HSPH1: variants seen among roughly 807,000 people sequenced by gnomAD.
The protein encoded by HSPH1 is heat shock protein 105 kDa.
In HSPH1, 40 loss-of-function variants were observed where a neutral mutation model predicts 100.0. That is an observed-to-expected ratio of 0.40 (90% CI 0.31 to 0.52). The LOEUF is 0.52. HSPH1 is among the 20% of genes least tolerant of loss of function. The pLI, the probability that HSPH1 is intolerant of heterozygous loss-of-function variation, is 0.54. For missense variants in HSPH1, 876 were observed against 1,015.1 expected (o/e 0.86, Z 1.86); for synonymous variants, 403 against 344.0 (o/e 1.17, Z -1.90).
Position 31,138,585 on chromosome 13 carries a change from C to G in HSPH1, c.2209-17G>C. 1.3e-6 allele frequency: 2 copies of G among 1,593,584 alleles called. No homozygotes were observed. The highest frequency in any genetic ancestry group is 1.7e-6 in the Non-Finnish European group (2 of 1,171,342). The stretch of plus-strand genomic sequence containing the variant: ...TTTCTCATCCTGAACAAAAATAACA[C>G]GGTCATTCTGTAGAATTTATTGAAC... On this transcript the variant is annotated splice_polypyrimidine_tract_variant and intron_variant, in intron 16 of 17. Coordinates refer to ENST00000320027, the MANE Select transcript of HSPH1 (RefSeq NM_006644.4).
At position 31,143,832 on chromosome 13, in the gene HSPH1, T is replaced by A. The variant is rs1956180770; in HGVS notation, c.1676A>T (p.Glu559Val). Residue 559 changes from glutamate to valine, a missense_variant, in exon 12 of 18, where the codon GAA (glutamate) becomes GTA (valine). Glu to Val is a moderately radical substitution (Grantham distance 121). Transcript: ENST00000320027. ...GATTTTGTTTTCTTCTGAGGTAAGT[T>A]CAGGTGAAGGGGGAGACTGTGAGGT... ...QQTSQSPPSPELTSEENKIPD... is the reference protein window; with the variant it reads ...QQTSQSPPSPVLTSEENKIPD... 1 of 1,611,362 alleles carries A rather than the reference T, an allele frequency of 6.2e-7. No homozygotes were observed.
intron 5 of HSPH1, chr13:31,152,384 C>T (rs1956519877): frequency 6.5e-6 from 1 of 153,338 alleles, no homozygotes; most frequent in Non-Finnish European, 1.4e-5. Flanking sequence ...ATGCTGTAAT[C>T]ACCTCTGTAT....
At chr13:31,161,373 C>A (rs571331455) in intron 1 of HSPH1, 103 bp downstream of exon 1, 1 of 1,515,158 alleles carries the variant, frequency 6.6e-7, no homozygotes, top group African/African-American at 1.4e-5. Flanking sequence ...TGCCCAAACG[C>A]CTCCGTTTGC....
Position 31,138,905 on chromosome 13 carries a change from A to C in HSPH1, c.2089-5T>G. ...TTTAACTGGAGTGCCAATTTTCTAA[A>C]ATAAAATGTAATAAATTAATAGTTA... On this transcript the variant is annotated splice_region_variant and splice_polypyrimidine_tract_variant and intron_variant, in intron 15 of 17. Coordinates refer to ENST00000320027, the MANE Select transcript of HSPH1 (RefSeq NM_006644.4). The C allele has an allele frequency of 6.3e-7, 1 of 1,593,976 alleles. No individual in the cohort carries two copies. Among genetic ancestry groups the C allele is most frequent in the Admixed American group, 1.7e-5 (1 of 58,470 alleles).
rs371882400 is a variant in HSPH1, at chr13:31,158,869, A to G, written c.108-6T>C. ...ATCCAAATGATATGACTGACCTAGA[A>G]AAAAATATATTCCAAAAAATTAAAA... is the stretch of plus-strand genomic sequence containing the variant. On this transcript the variant is annotated splice_region_variant and splice_polypyrimidine_tract_variant and intron_variant, in intron 1 of 17. Transcript: ENST00000320027. 4 of 1,551,636 alleles carry G rather than the reference A, an allele frequency of 2.6e-6. No individual in the cohort carries two copies. Among genetic ancestry groups the G allele is most frequent in the African/African-American group, 2.7e-5 (2 of 73,622 alleles).
Position 31,135,368 on chromosome 13 carries a change from A to G in HSPH1, c.*1950T>C, listed in dbSNP as rs1199089783. ...TTCACTTCTCAATGTGTAAATGTGTATCTACTAAGTATACATTAATGTGCA... is the reference window on the plus strand; with the variant it reads ...TTCACTTCTCAATGTGTAAATGTGTGTCTACTAAGTATACATTAATGTGCA... On this transcript the variant is annotated 3_prime_UTR_variant, in exon 18 of 18. Transcript: ENST00000320027. 1 of 152,256 alleles carries G rather than the reference A, an allele frequency of 6.6e-6. No homozygotes were observed. Among genetic ancestry groups the G allele is most frequent in the African/African-American group, 2.4e-5 (1 of 41,462 alleles). 9.4% of individuals were successfully genotyped at this position (152,256 alleles called of 1,614,324 possible).
chr13:31,156,576 A>AT (rs935445365), intron 2 of HSPH1, among the ~76,000 whole-genome samples: 1 of 151,772 alleles, frequency 6.6e-6, no homozygotes, highest in Admixed American at 6.6e-5. Context: ...AAAAAAAAAA[A>AT]AATTAAAGTT....
At chr13:31,145,799 C>T (rs372713610) in intron 10 of HSPH1, 31 bp from the exon 11 acceptor site, 1 of 1,598,552 alleles carries the variant, frequency 6.3e-7, no homozygotes, top group African/African-American at 1.3e-5. Flanking sequence ...ATCACAAAAT[C>T]ACAATTTATT....
At chr13:31,158,449 TGAG>T (rs1956777656) in intron 2 of HSPH1, among the ~76,000 whole-genome samples, 1 of 148,860 alleles carries the variant, frequency 6.7e-6, no homozygotes, top group Non-Finnish European at 1.5e-5. Context: ...CTCAGGAGGC[TGAG>T]GCAGGAGAAT....
chr13:31,138,784 A>G lies in HSPH1; in HGVS notation c.2205T>C (p.Asn735=). 6.2e-7 allele frequency: 1 copy of G among 1,603,646 alleles called. No homozygotes were observed. Reference sequence around the variant, plus strand: ...ATGTACAAAAAGACTGACTCACCTTATTTCTGAAGTCAGCTGCTATCTTGG... The same window carrying G: ...ATGTACAAAAAGACTGACTCACCTTGTTTCTGAAGTCAGCTGCTATCTTGG... The part of the protein sequence containing the change: ...HYAKIAADFR[N]KDEKYNHIDE... The change falls in exon 16 of 18, where the codon AAT becomes AAC. Residue 735 remains asparagine (N), a synonymous_variant. Coordinates refer to ENST00000320027, the MANE Select transcript of HSPH1 (RefSeq NM_006644.4).
intron 5 of HSPH1, 161 bp from the exon 6 acceptor site, chr13:31,151,903 G>T: frequency 1.7e-6 from 1 of 583,934 alleles, no homozygotes; most frequent in Non-Finnish European, 3.0e-6. Flanking sequence ...TGATTTTCTT[G>T]GAATTAATTA....
chr13:31,146,558 T>C (rs1956271220), intron 10 of HSPH1, among the ~76,000 whole-genome samples: 1 of 152,184 alleles, frequency 6.6e-6, no homozygotes, highest in Non-Finnish European at 1.5e-5. Context: ...GGTTAAATAA[T>C]CAAAACATTT....
intron 14 of HSPH1, among the ~76,000 whole-genome samples, chr13:31,139,648 A>C (rs936283153): frequency 8.5e-5 from 13 of 152,118 alleles, no homozygotes; most frequent in Non-Finnish European, 1.6e-4. Context: ...ATTTCACTTT[A>C]AATGACCCGT....
intron 12 of HSPH1, among the ~76,000 whole-genome samples, chr13:31,143,255 A>C (rs985257914): frequency 6.6e-6 from 1 of 152,136 alleles, no homozygotes; most frequent in Non-Finnish European, 1.5e-5. Context: ...AAGGCACACA[A>C]CATCACTATT....
chr13:31,152,014 G>C (rs762867572), intron 5 of HSPH1: 6 of 324,716 alleles, frequency 1.8e-5, no homozygotes, highest in African/African-American at 1.1e-4. Context: ...ACATAACCAC[G>C]TATCACAGAC....
Position 31,161,845 on chromosome 13 carries a change from G to C in HSPH1, c.-263C>G. ...CCTCCGCAGGTCGCTCCGCACCTCGGGTTGCCTGCCTCACTCTGCCGCGGC... is the reference window on the plus strand; with the variant it reads ...CCTCCGCAGGTCGCTCCGCACCTCGCGTTGCCTGCCTCACTCTGCCGCGGC... On this transcript the variant is annotated 5_prime_UTR_variant, in exon 1 of 18. Coordinates refer to ENST00000320027, the MANE Select transcript of HSPH1 (RefSeq NM_006644.4). 2 of 1,479,356 alleles carry C rather than the reference G, an allele frequency of 1.4e-6. No individual in the cohort carries two copies. The highest frequency in any genetic ancestry group is 2.3e-5 in the Admixed American group (1 of 44,420). 91.6% of individuals were successfully genotyped at this position (1,479,356 alleles called of 1,614,324 possible). A position where few individuals can be genotyped will look rare whatever the true frequency, so the allele number is the denominator to read the frequency against.
intron 17 of HSPH1, among the ~76,000 whole-genome samples, chr13:31,138,061 T>C (rs1371683679): frequency 6.6e-6 from 1 of 152,128 alleles, no homozygotes; most frequent in Non-Finnish European, 1.5e-5. Flanking sequence ...CTCTGATAGA[T>C]GACACAGGCT....
At chr13:31,156,629 A>G (rs1039675297) in intron 2 of HSPH1, among the ~76,000 whole-genome samples, 1 of 152,132 alleles carries the variant, frequency 6.6e-6, no homozygotes, top group Non-Finnish European at 1.5e-5. Context: ...CAGGATAAAC[A>G]CTCTGTGCCA....
chr13:31,152,781 AAAGT>A, intron 5 of HSPH1, 67 bp downstream of exon 5: 1 of 1,054,468 alleles, frequency 9.5e-7, no homozygotes, highest in Admixed American at 1.7e-5. Context: ...TATCTATAAG[AAAGT>A]AATAGCACTG....
Sources: allele counts gnomAD v4.1 joint callset (sites outside exome capture counted in the v4.1 genomes callset), GRCh38; gene constraint gnomAD v4.1.1; transcripts MANE v1.5; gene names NCBI Gene and HGNC (gene_info 2026-07-23, HGNC 2026-07-21).